MED13L: variants seen among roughly 807,000 people sequenced by gnomAD.
MED13L encodes the protein mediator of RNA polymerase II transcription subunit 13-like.
Under a neutral mutation model 220.9 loss-of-function variants are expected in MED13L, and 7 were observed. That is an observed-to-expected ratio of 0.03 (90% CI 0.02 to 0.06). The LOEUF (loss-of-function observed/expected upper bound fraction) is 0.06. Among genes scored for constraint, MED13L ranks in the 10% least tolerant of loss-of-function variants. The pLI, the probability that MED13L is intolerant of heterozygous loss-of-function variation, is 1.00. For missense variants in MED13L, 1,965 were observed against 2,760.5 expected (o/e 0.71, Z 6.46); for synonymous variants, 1,011 against 1,015.2 (o/e 1.00, Z 0.08).
intron 2 of MED13L, among the ~76,000 whole-genome samples, chr12:116,138,328 A>G (rs1256837505): frequency 6.6e-6 from 1 of 152,222 alleles, no homozygotes; most frequent in East Asian, 1.9e-4. Context: ...GACTTTTTAC[A>G]TATCAGGGTT....
At chr12:116,130,370 G>A (rs147051086) in intron 2 of MED13L, among the ~76,000 whole-genome samples, 1 of 152,214 alleles carries the variant, frequency 6.6e-6, no homozygotes, top group East Asian at 1.9e-4. Context: ...ACAGCCACCC[G>A]CTAGGAGGGG....
intron 1 of MED13L, among the ~76,000 whole-genome samples, chr12:116,246,754 C>T (rs1458648023): frequency 7.3e-5 from 7 of 95,532 alleles, no homozygotes; most frequent in Non-Finnish European, 1.3e-4. Flanking sequence ...GAGGTGGTGG[C>T]GGGCTGGGGA....
intron 16 of MED13L, among the ~76,000 whole-genome samples, chr12:115,995,290 C>T (rs1046233333): frequency 3.9e-5 from 6 of 152,114 alleles, no homozygotes. Context: ...TTGCATTTAC[C>T]CTGTCCATTT....
chr12:116,082,941 T>C (rs1372848575), intron 4 of MED13L, among the ~76,000 whole-genome samples: 2 of 152,176 alleles, frequency 1.3e-5, no homozygotes, highest in African/African-American at 4.8e-5. Context: ...AGAGGAATAA[T>C]AAAATGTTAC....
At chr12:116,204,501 T>C (rs546795703) in intron 2 of MED13L, among the ~76,000 whole-genome samples, 1 of 152,380 alleles carries the variant, frequency 6.6e-6, no homozygotes, top group South Asian at 2.1e-4. Flanking sequence ...TCAGCGTAGA[T>C]GGATGTTCTA....
chr12:116,210,533 G>A (rs1180324041), intron 2 of MED13L, among the ~76,000 whole-genome samples: 5 of 124,526 alleles, frequency 4.0e-5, no homozygotes, highest in Admixed American at 1.7e-4. Flanking sequence ...CAGCCCAAAA[G>A]CAACCGCAGA....
intron 4 of MED13L, among the ~76,000 whole-genome samples, chr12:116,076,316 T>G (rs779873282): frequency 6.6e-5 from 10 of 152,158 alleles, no homozygotes; most frequent in Non-Finnish European, 1.0e-4. Context: ...AACAGAGGAC[T>G]GCTTGAGACC....
At chr12:116,142,595 G>C (rs1362071147) in intron 2 of MED13L, among the ~76,000 whole-genome samples, 1 of 152,178 alleles carries the variant, frequency 6.6e-6, no homozygotes, top group East Asian at 1.9e-4. Flanking sequence ...GGCTGAGGCA[G>C]GAGAATCGCT....
intron 2 of MED13L, among the ~76,000 whole-genome samples, chr12:116,115,019 T>C (rs757362280): frequency 1.6e-4 from 25 of 152,290 alleles, no homozygotes; most frequent in Non-Finnish European, 3.2e-4. Flanking sequence ...TCAATTCTAA[T>C]AAAAATCCCT....
intron 2 of MED13L, among the ~76,000 whole-genome samples, chr12:116,124,132 G>C (rs1180798791): frequency 3.7e-5 from 4 of 109,416 alleles, no homozygotes; most frequent in South Asian, 3.2e-4. Flanking sequence ...ACGAGAGAGA[G>C]AGAGAGAGAG....
intron 4 of MED13L, among the ~76,000 whole-genome samples, chr12:116,061,628 T>C (rs1358507339): frequency 1.3e-5 from 2 of 152,180 alleles, no homozygotes; most frequent in African/African-American, 4.8e-5. Context: ...CCTTCATCAA[T>C]GCGCATCCCA....
At chr12:116,078,912 G>A (rs138824610) in intron 4 of MED13L, among the ~76,000 whole-genome samples, 210 of 152,184 alleles carry the variant, frequency 1.4e-3, no homozygotes, top group African/African-American at 4.9e-3. Flanking sequence ...CTCCATGCAG[G>A]CAGCAGGTCA....
intron 4 of MED13L, among the ~76,000 whole-genome samples, chr12:116,050,098 T>C (rs1332297706): frequency 1.3e-5 from 2 of 152,188 alleles, no homozygotes; most frequent in African/African-American, 4.8e-5. Flanking sequence ...CCTGTTAAAA[T>C]GTTCTGTTAA....
At chr12:116,145,549 G>A (rs1877416078) in intron 2 of MED13L, among the ~76,000 whole-genome samples, 1 of 152,036 alleles carries the variant, frequency 6.6e-6, no homozygotes, top group Admixed American at 6.6e-5. Flanking sequence ...AGGCTGGAGT[G>A]CAGTGGTGCG....
At chr12:116,231,356 ACACAACAT>A (rs1421586021) in intron 2 of MED13L, among the ~76,000 whole-genome samples, 2 of 152,304 alleles carry the variant, frequency 1.3e-5, no homozygotes, top group African/African-American at 4.8e-5. Flanking sequence ...CGTGGAAAGG[ACACAACAT>A]CACCTACTCA....
At chr12:116,091,318 G>A (rs1011817205) in intron 4 of MED13L, among the ~76,000 whole-genome samples, 3 of 151,654 alleles carry the variant, frequency 2.0e-5, no homozygotes, top group African/African-American at 7.3e-5. Context: ...ACCACTAATA[G>A]CACAAATGAA....
intron 4 of MED13L, among the ~76,000 whole-genome samples, chr12:116,064,511 T>C (rs1302255390): frequency 6.6e-6 from 1 of 152,162 alleles, no homozygotes; most frequent in Non-Finnish European, 1.5e-5. Flanking sequence ...CCTAAAAAAT[T>C]TGGAATCTGG....
intron 4 of MED13L, among the ~76,000 whole-genome samples, chr12:116,054,999 C>T (rs763235338): frequency 3.2e-4 from 48 of 152,044 alleles, no homozygotes; most frequent in Non-Finnish European, 5.3e-4. Context: ...AAAATAAAAA[C>T]AAACTGCAAC....
chr12:116,013,228 G>T (rs925577806), intron 8 of MED13L, among the ~76,000 whole-genome samples: 5 of 152,120 alleles, frequency 3.3e-5, no homozygotes, highest in African/African-American at 2.4e-5. Flanking sequence ...AAATTAGCCG[G>T]GCATGGTGGC....
Sources: gnomAD v4.1 joint callset for allele counts (sites outside exome capture counted in the v4.1 genomes callset) on GRCh38, gnomAD v4.1.1 for gene constraint, MANE v1.5 for transcripts, NCBI Gene and HGNC (gene_info 2026-07-23, HGNC 2026-07-21) for gene names.